Variants in GLIS3 observed in about 807,000 individuals in gnomAD.
The protein encoded by GLIS3 is GLIS family zinc finger 3.
A neutral mutation model predicts 78.6 loss-of-function variants in GLIS3; 53 were observed. That is an observed-to-expected ratio of 0.67 (90% CI 0.54 to 0.85). The LOEUF is 0.85. GLIS3 is among the 40% of genes least tolerant of loss of function. GLIS3 has a pLI of 0.00. For missense variants in GLIS3, 1,703 were observed against 1,231.1 expected (o/e 1.38, Z -5.74); for synonymous variants, 684 against 509.9 (o/e 1.34, Z -4.60).
In GLIS3 at chr9:4,189,804, C is replaced by T. The variant is rs557775323; in HGVS notation, c.389-63863G>A. On this transcript the variant is annotated intron_variant, in intron 2 of 10. Transcript: ENST00000381971. The stretch of plus-strand genomic sequence containing the variant: ...GGTTTAAAGTCTGTTTTATCAGAGA[C>T]TAGGATTGCAACCCCTGCCTTTTTT... 2.6e-5 allele frequency among the ~76,000 whole-genome samples: 4 copies of T among 152,070 alleles called. No individual in the cohort carries two copies. In the South Asian group the frequency reaches 8.3e-4, roughly 32 times the overall value.
At chr9:4,119,357 C>A (rs1030117848) in intron 3 of GLIS3, among the ~76,000 whole-genome samples, 3 of 152,086 alleles carry the variant, frequency 2.0e-5, no homozygotes, top group Non-Finnish European at 4.4e-5. Context: ...CATATAAACT[C>A]ATGCTTTATT....
the GLIS3 span, among the ~76,000 whole-genome samples, chr9:4,367,959 TAAGA>T: frequency 6.6e-6 from 1 of 152,322 alleles, no homozygotes; most frequent in East Asian, 1.9e-4. Context: ...GCCAAACCTA[TAAGA>T]AAGAACATGT....
chr9:4,289,269 T>G (rs1828253124), intron 1 of GLIS3, among the ~76,000 whole-genome samples: 1 of 152,134 alleles, frequency 6.6e-6, no homozygotes, highest in African/African-American at 2.4e-5. Flanking sequence ...CCAGGTAATT[T>G]AGAAAAGAAA....
chr9:4,159,671 A>G (rs1476065878), intron 2 of GLIS3, among the ~76,000 whole-genome samples: 1 of 152,098 alleles, frequency 6.6e-6, no homozygotes, highest in Non-Finnish European at 1.5e-5. Context: ...GTGAGCCGAG[A>G]TCGCACCAGT....
intron 2 of GLIS3, among the ~76,000 whole-genome samples, chr9:4,318,318 C>CA (rs991270457): frequency 6.6e-6 from 1 of 152,142 alleles, no homozygotes; most frequent in Non-Finnish European, 1.5e-5. Flanking sequence ...CACCTAGAAT[C>CA]AATGACATCT....
In GLIS3 at chr9:4,118,555, A is replaced by G; in HGVS notation, c.923T>C (p.Leu308Pro). 1 of 1,614,240 alleles carries G rather than the reference A, an allele frequency of 6.2e-7. No individual in the cohort carries two copies. The highest frequency in any genetic ancestry group is 1.7e-5 in the Admixed American group (1 of 60,032). The change falls in exon 4 of 11, where the codon CTG becomes CCG. Residue 308 changes from leucine to proline, a missense_variant. Leu to Pro is a moderately conservative substitution (Grantham distance 98). Coordinates refer to ENST00000381971, the MANE Select transcript of GLIS3 (RefSeq NM_001042413.2). The surrounding 1 kb of genome is among the most constrained non-coding windows in gnomAD (Gnocchi z 4.7). ...SKKRALSLSP[L>P]SDGIGIDFNT... Reference sequence around the variant, plus strand: ...GAAATCTATCCCGATGCCATCGGACAGCGGGGACAAGGACAGCGCTCTCTT... The same window carrying G: ...GAAATCTATCCCGATGCCATCGGACGGCGGGGACAAGGACAGCGCTCTCTT...
intron 2 of GLIS3, among the ~76,000 whole-genome samples, chr9:4,164,043 T>C (rs1037876682): frequency 2.0e-5 from 3 of 152,222 alleles, no homozygotes; most frequent in Non-Finnish European, 4.4e-5. Context: ...TCTCATCCAA[T>C]TGTCACGTCT....
At chr9:4,217,828 G>A (rs989638305) in intron 2 of GLIS3, among the ~76,000 whole-genome samples, 6 of 152,166 alleles carry the variant, frequency 3.9e-5, no homozygotes, top group Admixed American at 2.0e-4. Context: ...AGGGATTTCC[G>A]TGGAATTAAA....
intron 6 of GLIS3, among the ~76,000 whole-genome samples, chr9:3,906,902 C>T (rs918388551): frequency 1.3e-5 from 2 of 152,192 alleles, no homozygotes; most frequent in African/African-American, 2.4e-5. Flanking sequence ...AAACTTCCCA[C>T]GTAGCATACT....
intron 2 of GLIS3, among the ~76,000 whole-genome samples, chr9:4,332,453 T>G (rs1485930424): frequency 6.6e-6 from 1 of 152,172 alleles, no homozygotes; most frequent in Non-Finnish European, 1.5e-5. Flanking sequence ...GTGACTAAGT[T>G]CCAGTACACA....
chr9:3,999,146 C>A (rs1300064728), intron 4 of GLIS3, among the ~76,000 whole-genome samples: 2 of 152,114 alleles, frequency 1.3e-5, no homozygotes, highest in Non-Finnish European at 2.9e-5. Flanking sequence ...TAGTATTCAA[C>A]TGTATGGCTA....
At chr9:4,433,741 TG>T in the GLIS3 span, among the ~76,000 whole-genome samples, 1 of 152,254 alleles carries the variant, frequency 6.6e-6, no homozygotes, top group Non-Finnish European at 1.5e-5. Flanking sequence ...AGCTTGACTT[TG>T]GCTGGCTTTT....
chr9:4,268,674 T>C (rs1375755715), intron 2 of GLIS3, among the ~76,000 whole-genome samples: 2 of 152,188 alleles, frequency 1.3e-5, no homozygotes, highest in Non-Finnish European at 2.9e-5. Context: ...GACACCCACA[T>C]AGAATACTCC....
chr9:4,245,202 G>A (rs1823690882), intron 2 of GLIS3, among the ~76,000 whole-genome samples: 1 of 152,176 alleles, frequency 6.6e-6, no homozygotes, highest in Admixed American at 6.5e-5. Context: ...TTGGTTTAGA[G>A]GGATTCTATT....
intron 2 of GLIS3, among the ~76,000 whole-genome samples, chr9:4,332,786 C>A (rs7851895): frequency 2.0e-5 from 3 of 152,080 alleles, no homozygotes; most frequent in Non-Finnish European, 4.4e-5. Flanking sequence ...ATAGGTGTTC[C>A]TCTACACATC....
intron 4 of GLIS3, among the ~76,000 whole-genome samples, chr9:3,940,858 A>T (rs942854534): frequency 6.6e-6 from 1 of 152,200 alleles, no homozygotes; most frequent in Non-Finnish European, 1.5e-5. Flanking sequence ...TTCCCAAAAA[A>T]TACTGAGTAA....
intron 2 of GLIS3, among the ~76,000 whole-genome samples, chr9:4,196,725 C>T (rs912061461): frequency 6.6e-6 from 1 of 152,216 alleles, no homozygotes; most frequent in African/African-American, 2.4e-5. Flanking sequence ...TTTTTAAGAA[C>T]TGTAACACTC....
At chr9:4,175,580 C>T (rs1333194283) in intron 2 of GLIS3, among the ~76,000 whole-genome samples, 1 of 152,184 alleles carries the variant, frequency 6.6e-6, no homozygotes, top group African/African-American at 2.4e-5. Context: ...TCAGAAACTG[C>T]CATTCGTTAC....
intron 2 of GLIS3, among the ~76,000 whole-genome samples, chr9:4,209,533 T>C (rs1217949622): frequency 6.6e-6 from 1 of 152,228 alleles, no homozygotes; most frequent in Admixed American, 6.5e-5. Context: ...GCAACAAGTC[T>C]GTGCTATTCT....
Sources: gnomAD v4.1 joint callset for allele counts (sites outside exome capture counted in the v4.1 genomes callset) on GRCh38, gnomAD v4.1.1 for gene constraint, Gnocchi (gnomAD v3.1) non-coding constraint, MANE v1.5 for transcripts, NCBI Gene and HGNC (gene_info 2026-07-23, HGNC 2026-07-21) for gene names.